TRPM3: variants seen among roughly 807,000 people sequenced by gnomAD.
TRPM3 encodes long transient receptor potential channel 3.
A neutral mutation model predicts 181.2 loss-of-function variants in TRPM3; 77 were observed. The observed-to-expected ratio is 0.42, with a 90% CI of 0.35 to 0.51. The LOEUF (loss-of-function observed/expected upper bound fraction) is 0.51, where lower values mean the gene tolerates loss of function less well. Ranked by LOEUF, TRPM3 falls within the 20% of genes least tolerant of loss-of-function variation. TRPM3 has a pLI of 0.01. For synonymous variants in TRPM3, 745 were observed against 796.4 expected (o/e 0.94, Z 1.09); for missense variants, 1,759 against 2,196.7 (o/e 0.80, Z 3.98).
At chr9:71,287,214 T>C (rs1237504049) in intron 1 of TRPM3, among the ~76,000 whole-genome samples, 1 of 150,434 alleles carries the variant, frequency 6.6e-6, no homozygotes, top group Non-Finnish European at 1.5e-5. Context: ...TCTGGAGATT[T>C]ACCATCTAAT....
chr9:70,867,317 C>T (rs2095670003), intron 1 of TRPM3, among the ~76,000 whole-genome samples: 1 of 152,084 alleles, frequency 6.6e-6, no homozygotes, highest in Non-Finnish European at 1.5e-5. Flanking sequence ...TTTTCAAGGA[C>T]ACCTTCCTTA....
intron 7 of TRPM3, among the ~76,000 whole-genome samples, chr9:70,782,292 A>G (rs966450255): frequency 1.3e-5 from 2 of 151,852 alleles, no homozygotes; most frequent in African/African-American, 4.8e-5. Context: ...TGCAACTGCA[A>G]CCTCTGCCTC....
At chr9:70,787,763 CTTTTTTTTTTTTT>C in intron 6 of TRPM3, among the ~76,000 whole-genome samples, 13 of 68,558 alleles carry the variant, frequency 1.9e-4, no homozygotes, top group South Asian at 8.4e-4. Context: ...TTTTTGGATT[CTTTTTTTTTTTTT>C]TTTTTTTTTT....
chr9:71,095,726 T>C (rs1172723279), intron 1 of TRPM3, among the ~76,000 whole-genome samples: 1 of 124,784 alleles, frequency 8.0e-6, no homozygotes, highest in Non-Finnish European at 1.6e-5. Context: ...GTGACTGCAC[T>C]CCAGCCTGGG....
At chr9:71,427,474 G>C (rs1357035806) in intron 1 of TRPM3, among the ~76,000 whole-genome samples, 1 of 151,928 alleles carries the variant, frequency 6.6e-6, no homozygotes, top group Non-Finnish European at 1.5e-5. Flanking sequence ...CACTAAAATA[G>C]TGTTATCCTC....
At chr9:70,870,461 C>CCA (rs2095764508) in intron 1 of TRPM3, among the ~76,000 whole-genome samples, 2 of 152,050 alleles carry the variant, frequency 1.3e-5, no homozygotes, top group Non-Finnish European at 2.9e-5. Flanking sequence ...GAGTTGGCTA[C>CCA]AGAATAACAC....
At chr9:71,380,328 A>G (rs1272181673) in intron 1 of TRPM3, among the ~76,000 whole-genome samples, 1 of 152,056 alleles carries the variant, frequency 6.6e-6, no homozygotes, top group African/African-American at 2.4e-5. Flanking sequence ...ATCTTTAAAT[A>G]CTTTAAATCT....
intron 1 of TRPM3, among the ~76,000 whole-genome samples, chr9:70,922,199 C>T (rs907791140): frequency 1.3e-5 from 2 of 152,080 alleles, no homozygotes; most frequent in African/African-American, 4.8e-5. Context: ...ACCTCAGAAA[C>T]GTAGGCATTT....
intron 22 of TRPM3, among the ~76,000 whole-genome samples, chr9:70,554,599 CAG>C (rs936219296): frequency 4.6e-5 from 7 of 152,148 alleles, no homozygotes; most frequent in Non-Finnish European, 7.4e-5. Flanking sequence ...ACAATTGAAT[CAG>C]AATCCCTGAG....
At chr9:71,384,830 C>G (rs1034417023) in intron 1 of TRPM3, among the ~76,000 whole-genome samples, 4 of 152,098 alleles carry the variant, frequency 2.6e-5, no homozygotes, top group African/African-American at 9.7e-5. Context: ...CAGGCACTCT[C>G]CAGAGTCTAA....
At chr9:71,338,961 T>C (rs554493270) in intron 1 of TRPM3, among the ~76,000 whole-genome samples, 2 of 152,222 alleles carry the variant, frequency 1.3e-5, no homozygotes, top group South Asian at 2.1e-4. Flanking sequence ...GATAACATGA[T>C]AGTATACCCA....
intron 7 of TRPM3, among the ~76,000 whole-genome samples, chr9:70,764,377 AG>A (rs1389783651): frequency 6.6e-6 from 1 of 152,206 alleles, no homozygotes; most frequent in Admixed American, 6.5e-5. Flanking sequence ...ATTCATCTGC[AG>A]GTGTTTAATT....
At chr9:71,200,018 A>G (rs1373008683) in intron 1 of TRPM3, among the ~76,000 whole-genome samples, 1 of 152,176 alleles carries the variant, frequency 6.6e-6, no homozygotes, top group African/African-American at 2.4e-5. Flanking sequence ...TTAGTGCTAT[A>G]AATTTCCCTC....
chr9:71,065,495 C>T (rs1318763024), intron 1 of TRPM3, among the ~76,000 whole-genome samples: 1 of 152,142 alleles, frequency 6.6e-6, no homozygotes, highest in East Asian at 1.9e-4. Context: ...AGTCAAATCA[C>T]AATCACAGAA....
chr9:70,738,322 G>A (rs11531868), intron 8 of TRPM3, among the ~76,000 whole-genome samples: 23,204 of 151,912 alleles, frequency 0.15, 2,355 homozygotes, highest in East Asian at 0.39. Flanking sequence ...TGGGTGCAGC[G>A]CACCAGCATG....
chr9:70,676,823 C>T (rs2064125383), intron 9 of TRPM3, among the ~76,000 whole-genome samples: 1 of 152,026 alleles, frequency 6.6e-6, no homozygotes, highest in South Asian at 2.1e-4. Context: ...CTGTCTCTCA[C>T]CTTTCATTCT....
intron 1 of TRPM3, among the ~76,000 whole-genome samples, chr9:71,056,651 C>T (rs367842451): frequency 1.3e-5 from 2 of 151,814 alleles, no homozygotes; most frequent in South Asian, 4.1e-4. Flanking sequence ...GGTATCCCTA[C>T]AAGAAGAAAA....
chr9:71,271,279 CATTATT>C (rs890582905), intron 1 of TRPM3, among the ~76,000 whole-genome samples: 7 of 151,902 alleles, frequency 4.6e-5, no homozygotes, highest in African/African-American at 1.7e-4. Flanking sequence ...GTTAATTTAT[CATTATT>C]ATTATTATTG....
intron 1 of TRPM3, among the ~76,000 whole-genome samples, chr9:71,164,028 A>G (rs1466970753): frequency 1.3e-5 from 2 of 152,146 alleles, no homozygotes; most frequent in African/African-American, 4.8e-5. Context: ...GACTCTTTCT[A>G]TCAAGCAACA....
Sources: gnomAD v4.1 joint callset for allele counts (sites outside exome capture counted in the v4.1 genomes callset) on GRCh38, gnomAD v4.1.1 for gene constraint, MANE v1.5 for transcripts, NCBI Gene and HGNC (gene_info 2026-07-23, HGNC 2026-07-21) for gene names.